SLC68A1: variants seen among roughly 807,000 people sequenced by gnomAD.
SLC68A1 encodes solute carrier family 68 member 1.
At chr10:102,470,680 C>G in the SLC68A1 span, 203,556 of 1,609,420 alleles carry the variant, frequency 0.13, 17,281 homozygotes, top group East Asian at 0.44. Context: ...GCGCCGGGCT[C>G]TCCTCAAGGG....
the SLC68A1 span, among the ~76,000 whole-genome samples, chr10:102,464,170 G>A: frequency 6.6e-6 from 1 of 152,216 alleles, no homozygotes; most frequent in African/African-American, 2.4e-5. Context: ...TAAAGATCAT[G>A]AAACCACACG....
the SLC68A1 span, chr10:102,476,051 G>T: frequency 3.8e-3 from 2,332 of 612,704 alleles, 44 homozygotes; most frequent in South Asian, 9.4e-3. Flanking sequence ...AGTTTTTTTT[G>T]GTTTTTTTTT....
chr10:102,469,021 G>T, the SLC68A1 span: 1 of 1,609,664 alleles, frequency 6.2e-7, no homozygotes, highest in Non-Finnish European at 8.5e-7. Context: ...TAAGGCTGGG[G>T]CTGCAGCCAT....
At chr10:102,463,164 C>T in the SLC68A1 span, among the ~76,000 whole-genome samples, 1 of 113,108 alleles carries the variant, frequency 8.8e-6, no homozygotes, top group Non-Finnish European at 1.7e-5. Context: ...ACTAACCCAG[C>T]CCTGCTTTTT....
chr10:102,471,337 C>T, the SLC68A1 span: 1 of 1,613,900 alleles, frequency 6.2e-7, no homozygotes, highest in Non-Finnish European at 8.5e-7. Context: ...GGGCCGGTAT[C>T]TCCGGCAGCT....
the SLC68A1 span, chr10:102,471,460 C>T: frequency 1.3e-6 from 2 of 1,584,054 alleles, no homozygotes; most frequent in Non-Finnish European, 8.6e-7. Context: ...GGACAGACTC[C>T]TCAAGAGCTG....
At chr10:102,474,146 G>A in the SLC68A1 span, 1 of 816,340 alleles carries the variant, frequency 1.2e-6, no homozygotes, top group Non-Finnish European at 1.8e-6. Context: ...CATGGCTAGA[G>A]TCACTGGGTC....
chr10:102,475,376 C>G, the SLC68A1 span, among the ~76,000 whole-genome samples: 2 of 151,560 alleles, frequency 1.3e-5, no homozygotes, highest in African/African-American at 4.8e-5. Flanking sequence ...GCAGGGACAT[C>G]TTTGGGAGAC....
the SLC68A1 span, chr10:102,472,960 G>C: frequency 6.3e-7 from 1 of 1,599,676 alleles, no homozygotes; most frequent in Non-Finnish European, 8.6e-7. Context: ...GGTGAGTGTG[G>C]ACCTTGGGTG....
At chr10:102,475,781 G>A in the SLC68A1 span, 4 of 1,613,908 alleles carry the variant, frequency 2.5e-6, no homozygotes, top group Admixed American at 3.3e-5. Flanking sequence ...TCCCTGGCCA[G>A]AGCCCCCAGC....
the SLC68A1 span, chr10:102,472,737 C>A: frequency 8.8e-6 from 7 of 796,446 alleles, no homozygotes; most frequent in Non-Finnish European, 1.3e-5. Context: ...GGCCTGCTCT[C>A]GCTCTTGCTG....
At chr10:102,466,651 T>TA in the SLC68A1 span, among the ~76,000 whole-genome samples, 47,115 of 151,948 alleles carry the variant, frequency 0.31, 7,608 homozygotes, top group Admixed American at 0.37. Flanking sequence ...TCCATCTCAT[T>TA]AACCTTTGAG....
At chr10:102,476,067 A>G in the SLC68A1 span, 64 of 1,184,548 alleles carry the variant, frequency 5.4e-5, no homozygotes, top group African/African-American at 2.4e-4. Flanking sequence ...TTTTTTAAGG[A>G]TTTCATAGTT....
chr10:102,468,681 G>T, the SLC68A1 span: 2 of 171,870 alleles, frequency 1.2e-5, no homozygotes, highest in East Asian at 1.5e-4. Context: ...AAAAAAAAAA[G>T]ACATCGAGCA....
the SLC68A1 span, chr10:102,476,621 G>C: frequency 4.1e-6 from 4 of 986,106 alleles, no homozygotes; most frequent in Non-Finnish European, 4.8e-6. Flanking sequence ...GAAAGTCTCT[G>C]CTTACCTGTC....
the SLC68A1 span, chr10:102,472,790 G>A: frequency 8.1e-7 from 1 of 1,242,154 alleles, no homozygotes; most frequent in South Asian, 1.2e-5. Context: ...TTCCCCTGTT[G>A]GCTTCTGGCC....
At chr10:102,476,028 T>G in the SLC68A1 span, 7 of 1,289,494 alleles carry the variant, frequency 5.4e-6, no homozygotes, top group South Asian at 3.7e-5. Context: ...GCTGGCAGCC[T>G]GGGGAAGGAG....
chr10:102,464,279 C>T, the SLC68A1 span, among the ~76,000 whole-genome samples: 2 of 151,888 alleles, frequency 1.3e-5, no homozygotes, highest in East Asian at 1.9e-4. Context: ...GGCGAAACCC[C>T]GTCTGTACAA....
the SLC68A1 span, chr10:102,472,356 G>T: frequency 3.9e-5 from 10 of 258,632 alleles, no homozygotes; most frequent in Middle Eastern, 1.3e-3. Context: ...TCTGCCTCCT[G>T]GGTTCAAATG....
Sources: gnomAD v4.1 joint callset for allele counts (sites outside exome capture counted in the v4.1 genomes callset) on GRCh38, gnomAD v4.1.1 for gene constraint, MANE v1.5 for transcripts, NCBI Gene and HGNC (gene_info 2026-07-23, HGNC 2026-07-21) for gene names.